The following HPGD variants were observed in gnomAD, a reference collection of about 807,000 sequenced individuals.
HPGD encodes 15-hydroxyprostaglandin dehydrogenase, also known as 15-hydroxyprostaglandin dehydrogenase [NAD(+)].
A neutral mutation model predicts 30.0 loss-of-function variants in HPGD; 29 were observed. The observed-to-expected ratio is 0.97, with a 90% CI of 0.72 to 1.32. The LOEUF (loss-of-function observed/expected upper bound fraction) is 1.32. Ranked by LOEUF, HPGD falls within the 40% of genes most tolerant of loss-of-function variation. The pLI is 0.00. For missense variants in HPGD, 340 were observed against 322.1 expected (o/e 1.06, Z -0.43); for synonymous variants, 99 against 112.4 (o/e 0.88, Z 0.75).
At chr4:174,500,432 C>G (rs560951444) in intron 4 of HPGD, among the ~76,000 whole-genome samples, 2 of 152,178 alleles carry the variant, frequency 1.3e-5, no homozygotes, top group Non-Finnish European at 2.9e-5. Context: ...AACATGCTTG[C>G]ACAAAAATCT....
At chr4:174,500,325 A>G (rs1393579632) in intron 4 of HPGD, among the ~76,000 whole-genome samples, 1 of 152,248 alleles carries the variant, frequency 6.6e-6, no homozygotes, top group African/African-American at 2.4e-5. Flanking sequence ...GCAAAATGGC[A>G]CAGCCACTTT....
chr4:174,502,267 G>A (rs1710899099), intron 4 of HPGD, among the ~76,000 whole-genome samples: 2 of 152,146 alleles, frequency 1.3e-5, no homozygotes, highest in African/African-American at 4.8e-5. Context: ...AAAGTAACTG[G>A]TGAACTTCCT....
intron 5 of HPGD, 37 bp from the exon 6 acceptor site, chr4:174,493,351 T>C (rs1264530187): frequency 6.2e-7 from 1 of 1,601,328 alleles, no homozygotes; most frequent in Non-Finnish European, 8.6e-7. Context: ...AGCAGTTTCA[T>C]AAACATATAG....
chr4:174,521,865 G>A, intron 2 of HPGD, 79 bp downstream of exon 2: 2 of 1,566,502 alleles, frequency 1.3e-6, no homozygotes, highest in South Asian at 1.1e-5. Context: ...GGCACCCAGG[G>A]CCCCCTGGCC....
chr4:174,490,807 A>G lies in HPGD; in HGVS notation c.*1149T>C, dbSNP rs1734307542. On this transcript the variant is annotated 3_prime_UTR_variant, in exon 7 of 7. Transcript: ENST00000296522. The surrounding 1 kb of genome is among the most constrained non-coding windows in gnomAD (Gnocchi z 4.4). ...GCAGACAGGATGAGTCACTTATACGATATTTTTTTGAGAAAACGACTGATT... is the reference window on the plus strand; with the variant it reads ...GCAGACAGGATGAGTCACTTATACGGTATTTTTTTGAGAAAACGACTGATT... 1 of 152,304 alleles carries G rather than the reference A, an allele frequency of 6.6e-6. No homozygotes were observed. The highest frequency in any genetic ancestry group is 1.5e-5 in the Non-Finnish European group (1 of 68,012). The allele number at this position is 152,304 out of a possible 1,614,324, so 9.4% of individuals were successfully genotyped here.
chr4:174,491,954 G>A lies in HPGD; in HGVS notation c.*2C>T, dbSNP rs1260194889. On this transcript the variant is annotated 3_prime_UTR_variant, in exon 7 of 7. Transcript: ENST00000296522. ...TTCAGCTATGGCTAACACATAAGCT[G>A]TTCATTGGGTTTTTGCTTGAAATGG... 1.2e-6 allele frequency: 2 copies of A among 1,610,964 alleles called. No homozygotes were observed. The highest frequency in any genetic ancestry group is 3.3e-5 in the Admixed American group (2 of 59,972).
At chr4:174,504,653 C>T (rs45526843) in intron 4 of HPGD, among the ~76,000 whole-genome samples, 1,469 of 130,844 alleles carry the variant, frequency 0.011, 31 homozygotes, top group African/African-American at 0.038. Context: ...ACTAAAAATA[C>T]AAAAAAAAAA....
At position 174,493,210 on chromosome 4, in the gene HPGD, T is replaced by C. The variant is rs1427646329; in HGVS notation, c.603A>G (p.Gly201=). ...TATGATCCTTATATTCTATATATTG[T>C]CCCATGTTTTCTTCTTTTTCAATTG... is the stretch of plus-strand genomic sequence containing the variant. ...LESIEKEENM[G]QYIEYKDHIK... is the part of the protein sequence containing the mutation. The change falls in exon 6 of 7, where the codon GGA becomes GGG. Residue 201 remains glycine (G), a synonymous_variant. Transcript: ENST00000296522. 1.2e-6 allele frequency: 2 copies of C among 1,609,036 alleles called. No individual in the cohort carries two copies. Among genetic ancestry groups the C allele is most frequent in the South Asian group, 1.1e-5 (1 of 90,950 alleles).
intron 3 of HPGD, among the ~76,000 whole-genome samples, chr4:174,510,922 T>C (rs1735458007): frequency 6.6e-6 from 1 of 152,172 alleles, no homozygotes; most frequent in Non-Finnish European, 1.5e-5. Flanking sequence ...ATTACAGGCC[T>C]GAGCCACCGT....
intron 5 of HPGD, 157 bp downstream of exon 5, chr4:174,495,387 GTTCT>G (rs1734544302): frequency 1.5e-6 from 1 of 649,056 alleles, no homozygotes. Context: ...TATTTATTTG[GTTCT>G]TTATGTGATC....
Position 174,516,872 on chromosome 4 carries a change from C to A in HPGD, c.324+1099G>T, listed in dbSNP as rs568417843. Among the ~76,000 whole-genome samples the A allele has an allele frequency of 2.0e-5, 3 of 152,168 alleles. No individual in the cohort carries two copies. In the South Asian group the frequency reaches 6.2e-4, roughly 32 times the overall value. On this transcript the variant is annotated intron_variant, in intron 3 of 6. Coordinates refer to ENST00000296522, the MANE Select transcript of HPGD (RefSeq NM_000860.6). ...TCAATTTAAGTAAAAAATGTATTGACTAAGCACTATCTTCAAGATATTATG... is the reference window on the plus strand; with the variant it reads ...TCAATTTAAGTAAAAAATGTATTGAATAAGCACTATCTTCAAGATATTATG...
intron 3 of HPGD, among the ~76,000 whole-genome samples, chr4:174,509,934 AC>A (rs1237771600): frequency 6.6e-6 from 1 of 151,486 alleles, no homozygotes; most frequent in African/African-American, 2.4e-5. Context: ...AAAAAAAAAA[AC>A]CTGTGTGATC....
At chr4:174,521,880 T>C in intron 2 of HPGD, 64 bp downstream of exon 2, 1 of 1,606,908 alleles carries the variant, frequency 6.2e-7, no homozygotes, top group East Asian at 2.2e-5. Flanking sequence ...CTGGCCGGGC[T>C]GCCTTCAGGT....
chr4:174,508,331 T>G, intron 4 of HPGD: 1 of 558,272 alleles, frequency 1.8e-6, no homozygotes. Flanking sequence ...TAAAATCACA[T>G]GGGAGCAGAG....
At chr4:174,519,331 A>T (rs1029806364) in intron 2 of HPGD, among the ~76,000 whole-genome samples, 5 of 151,512 alleles carry the variant, frequency 3.3e-5, no homozygotes, top group Admixed American at 3.3e-4. Flanking sequence ...CTCCTGCCTC[A>T]GCCTCCAGAG....
At chr4:174,506,787 C>T (rs569584045) in intron 4 of HPGD, 1 of 152,336 alleles carries the variant, frequency 6.6e-6, no homozygotes, top group South Asian at 2.1e-4. Flanking sequence ...GGCAAGGAAG[C>T]ACCCTCTTAT....
rs200777358 is a variant in HPGD at position 174,517,924 on chromosome 4, A to T, written c.324+47T>A. 30 of 980,704 alleles carry T rather than the reference A, an allele frequency of 3.1e-5. No individual in the cohort carries two copies. The East Asian group carries it at 7.2e-4, about 24-fold the overall frequency. The allele number at this position is 980,704 out of a possible 1,614,324, so 60.8% of individuals were successfully genotyped here. A position where few individuals can be genotyped will look rare whatever the true frequency, so the allele number is the denominator to read the frequency against. The stretch of plus-strand genomic sequence containing the variant: ...GAACCTTTTTTTCTTTACAAACATC[A>T]TGTTATTAAATAATTATAGACAAGA... On this transcript the variant is annotated intron_variant, in intron 3 of 6. Transcript: ENST00000296522.
chr4:174,492,202 A>C lies in HPGD; in HGVS notation c.663-108T>G. The C allele has an allele frequency of 9.9e-7, 1 of 1,012,016 alleles. No individual in the cohort carries two copies. The highest frequency in any genetic ancestry group is 2.4e-5 in the East Asian group (1 of 41,666). 62.7% of individuals were successfully genotyped at this position (1,012,016 alleles called of 1,614,324 possible). A position where few individuals can be genotyped will look rare whatever the true frequency, so the allele number is the denominator to read the frequency against. On this transcript the variant is annotated intron_variant, in intron 6 of 6. Transcript: ENST00000296522. This position sits in a 1 kb window ranked among gnomAD's most constrained non-coding sequence, Gnocchi z 4.9. ...ATTAAGTTGAACATGTTATAGGGAA[A>C]TGTGTGTCATTAAACTATTGCTACT... is the stretch of plus-strand genomic sequence containing the variant.
intron 2 of HPGD, among the ~76,000 whole-genome samples, chr4:174,521,511 T>G (rs2110886748): frequency 6.6e-6 from 1 of 152,378 alleles, no homozygotes; most frequent in African/African-American, 2.4e-5. Flanking sequence ...TGAACTTGTA[T>G]TCTGATATGT....
Sources: allele counts gnomAD v4.1 joint callset (sites outside exome capture counted in the v4.1 genomes callset), GRCh38; gene constraint gnomAD v4.1.1; non-coding constraint Gnocchi (gnomAD v3.1); transcripts MANE v1.5; gene names NCBI Gene and HGNC (gene_info 2026-07-23, HGNC 2026-07-21).